Variants in UROS observed in about 807,000 individuals in gnomAD.
UROS encodes uroporphyrinogen-III synthase.
Under a neutral mutation model 33.0 loss-of-function variants are expected in UROS, and 18 were observed. The observed-to-expected ratio is 0.55, with a 90% CI of 0.38 to 0.81. The LOEUF is 0.81. Among genes scored for constraint, UROS ranks in the 30% least tolerant of loss-of-function variants. The pLI, the probability that UROS is intolerant of heterozygous loss-of-function variation, is 0.00. For synonymous variants in UROS, 114 were observed against 121.1 expected (o/e 0.94, Z 0.38); for missense variants, 293 against 314.9 (o/e 0.93, Z 0.53).
In UROS at chr10:125,794,937, G is replaced by A. The variant is rs1222430154; in HGVS notation, c.603C>T (p.Leu201=). 6.2e-7 allele frequency: 1 copy of A among 1,614,166 alleles called. No individual in the cohort carries two copies. Among genetic ancestry groups the A allele is most frequent in the African/African-American group, 1.3e-5 (1 of 75,032 alleles). The change falls in exon 9 of 10, where the codon CTC becomes CTT. Residue 201 remains leucine (L), a synonymous_variant. Transcript: ENST00000368797. ...CCTGAATGTGCTTGAGACTGTATGT[G>A]AGGCCAGAGGGACTAAAAAATGTGA... ...ASITFFSPSG[L]TYSLKHIQEL...
At chr10:125,801,119 G>A (rs1851811983) in intron 6 of UROS, among the ~76,000 whole-genome samples, 1 of 152,170 alleles carries the variant, frequency 6.6e-6, no homozygotes, top group Non-Finnish European at 1.5e-5. Flanking sequence ...GAATCAGTTC[G>A]AGCAGACAGT....
chr10:125,815,109 C>T lies in UROS; in HGVS notation c.169G>A (p.Gly57Arg), dbSNP rs200322717. The T allele has an allele frequency of 3.5e-5, 57 of 1,613,986 alleles. No individual in the cohort carries two copies. Among genetic ancestry groups the T allele is most frequent in the East Asian group, 3.3e-4 (15 of 44,896 alleles). Residue 57 changes from glycine (G) to arginine (R), a missense_variant, in exon 4 of 10, where the codon GGG (glycine) becomes AGG (arginine). Physicochemically the swap from Gly to Arg is moderately radical, Grantham distance 125. Coordinates refer to ENST00000368797, the MANE Select transcript of UROS (RefSeq NM_000375.3). ...SEKLSHPEDY[G>R]GLIFTSPRAV... ...CTGGGGCTGGTAAAAATGAGTCCCC[C>T]GTAATCTTCAGGATGAGAAAGCTGC... is the stretch of plus-strand genomic sequence containing the variant.
chr10:125,822,030 C>A (rs924733860), intron 1 of UROS, among the ~76,000 whole-genome samples: 1 of 152,164 alleles, frequency 6.6e-6, no homozygotes, highest in African/African-American at 2.4e-5. Flanking sequence ...TGTTACCCTG[C>A]TTAAACAGAA....
chr10:125,811,656 T>C (rs765970593), intron 5 of UROS, among the ~76,000 whole-genome samples: 1 of 152,214 alleles, frequency 6.6e-6, no homozygotes, highest in Non-Finnish European at 1.5e-5. Flanking sequence ...TGAAACAAAG[T>C]TACAGGCTAA....
chr10:125,789,333 A>G, intron 9 of UROS: 1 of 1,269,764 alleles, frequency 7.9e-7, no homozygotes, highest in South Asian at 1.7e-5. Context: ...AGCTGCAGAC[A>G]GTTCTTCTTC....
rs981796680 is a variant in UROS, at chr10:125,821,252, A to C, written c.-27+1777T>G. Among the ~76,000 whole-genome samples, 3 of 152,268 alleles carry C rather than the reference A, an allele frequency of 2.0e-5. No homozygotes were observed. In the East Asian group the frequency reaches 5.8e-4, roughly 29 times the overall value. On this transcript the variant is annotated intron_variant, in intron 1 of 9. Coordinates refer to ENST00000368797, the MANE Select transcript of UROS (RefSeq NM_000375.3). ...AAGTAACCAAAATGTTTACCGACAG[A>C]TAAGTAGATAAACAAAATGTGGTCT...
chr10:125,796,688 C>T (rs1039187592), intron 7 of UROS: 13 of 753,170 alleles, frequency 1.7e-5, no homozygotes, highest in African/African-American at 9.5e-5. Flanking sequence ...CTGATTAAGC[C>T]GTGGACTTTC....
intron 6 of UROS, among the ~76,000 whole-genome samples, chr10:125,800,127 C>T (rs1332774096): frequency 6.6e-6 from 1 of 152,110 alleles, no homozygotes; most frequent in Non-Finnish European, 1.5e-5. Flanking sequence ...GATAAAGTCA[C>T]TGCAGGCAAT....
chr10:125,808,806 A>AC (rs999638776), intron 5 of UROS, among the ~76,000 whole-genome samples: 2 of 152,216 alleles, frequency 1.3e-5, no homozygotes, highest in African/African-American at 2.4e-5. Flanking sequence ...TACCCGGTCC[A>AC]CCCCACAGTC....
At chr10:125,804,076 C>A (rs1161664812) in intron 6 of UROS, among the ~76,000 whole-genome samples, 1 of 152,232 alleles carries the variant, frequency 6.6e-6, no homozygotes, top group Non-Finnish European at 1.5e-5. Flanking sequence ...TTTTGTTATT[C>A]ATGATAAACC....
chr10:125,812,334 C>T, intron 4 of UROS, 46 bp from the exon 5 acceptor site: 2 of 1,566,506 alleles, frequency 1.3e-6, no homozygotes, highest in Non-Finnish European at 1.8e-6. Flanking sequence ...CCAAAGTGGC[C>T]ATTTGGACTG....
intron 9 of UROS, among the ~76,000 whole-genome samples, chr10:125,794,679 T>G (rs1019745882): frequency 4.6e-5 from 7 of 152,106 alleles, no homozygotes; most frequent in African/African-American, 1.7e-4. Flanking sequence ...ATTATCCCCA[T>G]GCTGCAAGTG....
intron 6 of UROS, among the ~76,000 whole-genome samples, chr10:125,803,417 C>G (rs563113288): frequency 1.3e-5 from 2 of 152,316 alleles, no homozygotes; most frequent in East Asian, 3.9e-4. Context: ...TGTGGGAAGA[C>G]GGCTCCTTCA....
At chr10:125,799,681 CT>C (rs1304522478) in intron 6 of UROS, among the ~76,000 whole-genome samples, 1 of 152,180 alleles carries the variant, frequency 6.6e-6, no homozygotes, top group African/African-American at 2.4e-5. Flanking sequence ...CCACCTGTGC[CT>C]TGCAGAGAGC....
At chr10:125,808,296 A>G (rs948437777) in intron 5 of UROS, among the ~76,000 whole-genome samples, 6 of 152,264 alleles carry the variant, frequency 3.9e-5, no homozygotes, top group African/African-American at 1.4e-4. Flanking sequence ...CTTAGGAGTC[A>G]CACAGAGCCT....
chr10:125,797,984 A>G, intron 7 of UROS, 81 bp downstream of exon 7: 1 of 1,531,076 alleles, frequency 6.5e-7, no homozygotes, highest in East Asian at 2.3e-5. Flanking sequence ...TGCTCTCTGC[A>G]GGGCCACCCA....
chr10:125,803,068 T>A, intron 6 of UROS: 1 of 1,612,744 alleles, frequency 6.2e-7, no homozygotes. Flanking sequence ...GGACTAAGTA[T>A]CTTTTAGAAG....
rs1044302092 is a variant in UROS at position 125,812,155 on chromosome 10, T to C, written c.319+59A>G. ...ATTTTTAAACTGAGTTAAACTGTTT[T>C]TTAAAACTGAAAAGGCTAAGCCATT... On this transcript the variant is annotated intron_variant, in intron 5 of 9. Transcript: ENST00000368797. 3.2e-6 allele frequency: 5 copies of C among 1,539,156 alleles called. No individual in the cohort carries two copies. In the East Asian group the frequency reaches 6.7e-5, roughly 21 times the overall value.
chr10:125,795,043 G>A, intron 8 of UROS, 65 bp from the exon 9 acceptor site: 1 of 1,469,746 alleles, frequency 6.8e-7, no homozygotes, highest in African/African-American at 1.4e-5. Flanking sequence ...CATTCCTCCG[G>A]CTTCATCCGC....
Sources: allele counts gnomAD v4.1 joint callset (sites outside exome capture counted in the v4.1 genomes callset), GRCh38; gene constraint gnomAD v4.1.1; transcripts MANE v1.5; gene names NCBI Gene and HGNC (gene_info 2026-07-23, HGNC 2026-07-21).